PXDNL: variants seen among roughly 807,000 people sequenced by gnomAD.
The protein encoded by PXDNL is probable oxidoreductase PXDNL.
Under a neutral mutation model 150.8 loss-of-function variants are expected in PXDNL, and 145 were observed. The observed-to-expected ratio is 0.96, with a 90% confidence interval of 0.84 to 1.10. PXDNL has a LOEUF of 1.10. PXDNL is among the 50% of genes least tolerant of loss of function. PXDNL has a pLI of 0.00. For synonymous variants in PXDNL, 757 were observed against 725.7 expected, an observed-to-expected ratio of 1.04 and a Z score of -0.69; for missense variants, 2,087 against 1,873.9, an observed-to-expected ratio of 1.11 and a Z score of -2.10.
rs61300692 is a variant in PXDNL, at chr8:51,743,908, AAAGG to A, written c.164+65269_164+65272del. Reference sequence around the variant, plus strand: ...CCTCTCTCTCTCTCTGCTGAGAGAGAAAGGAAGGAAGGAAGGAAGGAAGGAAGGA... The same window carrying A: ...CCTCTCTCTCTCTCTGCTGAGAGAGAAAGGAAGGAAGGAAGGAAGGAAGGA... On this transcript the variant is annotated intron_variant, in intron 1 of 22. Coordinates refer to ENST00000356297, the MANE Select transcript of PXDNL (RefSeq NM_144651.5). 1.0e-3 allele frequency among the ~76,000 whole-genome samples: 68 copies of A among 66,942 alleles called. 2 individuals are homozygous for A. In the South Asian group the frequency reaches 0.014, roughly 14 times the overall value. The allele number at this position is 66,942 out of a possible 152,430, so 43.9% of individuals were successfully genotyped here. A position where few individuals can be genotyped will look rare whatever the true frequency, so the allele number is the denominator to read the frequency against.
At chr8:51,402,904 TACACACACACAC>T (rs55768775) in intron 17 of PXDNL, among the ~76,000 whole-genome samples, 5 of 146,166 alleles carry the variant, frequency 3.4e-5, no homozygotes, top group South Asian at 2.2e-4. Flanking sequence ...CTACTAAAAA[TACACACACACAC>T]ACACACACAC....
intron 5 of PXDNL, among the ~76,000 whole-genome samples, chr8:51,489,242 G>A (rs1466884208): frequency 6.6e-6 from 1 of 152,170 alleles, no homozygotes; most frequent in African/African-American, 2.4e-5. Context: ...GGATGGATTT[G>A]TCTTTACATT....
At chr8:51,333,294 C>T (rs1299283741) in intron 21 of PXDNL, among the ~76,000 whole-genome samples, 1 of 147,738 alleles carries the variant, frequency 6.8e-6, no homozygotes, top group Non-Finnish European at 1.5e-5. Context: ...ATGCTGAATT[C>T]ACCATTACCA....
intron 12 of PXDNL, among the ~76,000 whole-genome samples, chr8:51,440,362 C>T (rs1320828409): frequency 6.6e-6 from 1 of 152,012 alleles, no homozygotes; most frequent in Non-Finnish European, 1.5e-5. Context: ...ACCAAAATCT[C>T]AGAAATCACC....
At chr8:51,359,459 T>C (rs948600446) in intron 19 of PXDNL, among the ~76,000 whole-genome samples, 4 of 151,992 alleles carry the variant, frequency 2.6e-5, no homozygotes, top group Admixed American at 2.6e-4. Flanking sequence ...GCAAAAAATA[T>C]ATCAGAGCAT....
intron 17 of PXDNL, among the ~76,000 whole-genome samples, chr8:51,395,883 C>A (rs568254267): frequency 1.3e-5 from 2 of 152,214 alleles, no homozygotes; most frequent in Non-Finnish European, 2.9e-5. Flanking sequence ...AGCCCACCAC[C>A]CCCAACTCTG....
At chr8:51,519,309 G>A (rs1811608073) in intron 4 of PXDNL, among the ~76,000 whole-genome samples, 1 of 152,080 alleles carries the variant, frequency 6.6e-6, no homozygotes, top group East Asian at 1.9e-4. Context: ...GGGAGGCTGA[G>A]GCAGGCAGAT....
Position 51,468,746 on chromosome 8 carries a change from A to C in PXDNL, c.812+3441T>G, listed in dbSNP as rs926688447. 7.9e-5 allele frequency among the ~76,000 whole-genome samples: 12 copies of C among 151,492 alleles called. 1 individual carries two copies. The highest frequency in any genetic ancestry group is 2.2e-4 in the African/African-American group (9 of 41,268). On this transcript the variant is annotated intron_variant, in intron 8 of 22. Transcript: ENST00000356297. ...GGATCTTTCTATTTGTTAATATTCC[A>C]TCTTAATTGTTAATATGCACTCTTG... is the stretch of plus-strand genomic sequence containing the variant.
Position 51,666,745 on chromosome 8 carries a change from C to T in PXDNL, c.165-11985G>A, listed in dbSNP as rs1425828137. On this transcript the variant is annotated intron_variant, in intron 1 of 22. Transcript: ENST00000356297. ...CAAGTCCTCTGCACCTCCCAAGTCCCATGCCTGCATAATCACTGTCCTGAT... is the reference window on the plus strand; with the variant it reads ...CAAGTCCTCTGCACCTCCCAAGTCCTATGCCTGCATAATCACTGTCCTGAT... Among the ~76,000 whole-genome samples, 5 of 152,172 alleles carry T rather than the reference C, an allele frequency of 3.3e-5. No homozygotes were observed. The East Asian group carries it at 7.7e-4, about 24-fold the overall frequency.
At chr8:51,425,635 C>T (rs1354339816) in intron 13 of PXDNL, among the ~76,000 whole-genome samples, 2 of 151,978 alleles carry the variant, frequency 1.3e-5, no homozygotes, top group African/African-American at 4.8e-5. Flanking sequence ...GGATCGAGAC[C>T]ACAGTGAAAC....
intron 2 of PXDNL, among the ~76,000 whole-genome samples, chr8:51,651,074 T>G (rs527438798): frequency 2.0e-4 from 30 of 152,302 alleles, no homozygotes; most frequent in African/African-American, 7.2e-4. Context: ...CAAAAATCAA[T>G]TGCATTTTAT....
chr8:51,674,787 G>A (rs115992138), intron 1 of PXDNL, among the ~76,000 whole-genome samples: 18 of 152,284 alleles, frequency 1.2e-4, no homozygotes, highest in South Asian at 2.1e-4. Flanking sequence ...CTGGCATGCC[G>A]CTCCTATTTT....
intron 4 of PXDNL, among the ~76,000 whole-genome samples, chr8:51,509,557 C>T (rs191290226): frequency 9.2e-5 from 14 of 152,078 alleles, no homozygotes; most frequent in South Asian, 2.1e-4. Context: ...TTTCTGCCTG[C>T]GCTGTGCCTC....
chr8:51,804,711 T>G (rs913783432), intron 1 of PXDNL, among the ~76,000 whole-genome samples: 2 of 152,138 alleles, frequency 1.3e-5, no homozygotes, highest in Non-Finnish European at 2.9e-5. Flanking sequence ...TACAGTAGGG[T>G]TGAAAGGCAG....
At chr8:51,803,284 C>G (rs1585762642) in intron 1 of PXDNL, among the ~76,000 whole-genome samples, 1 of 152,196 alleles carries the variant, frequency 6.6e-6, no homozygotes, top group East Asian at 1.9e-4. Flanking sequence ...GAGTATCTCT[C>G]TTTGGAAACT....
chr8:51,562,168 C>A (rs1422295094), intron 3 of PXDNL, among the ~76,000 whole-genome samples: 1 of 151,416 alleles, frequency 6.6e-6, no homozygotes, highest in Non-Finnish European at 1.5e-5. Flanking sequence ...AGAAATAAAT[C>A]AAACTCATCT....
At chr8:51,740,651 T>G (rs184897725) in intron 1 of PXDNL, among the ~76,000 whole-genome samples, 1 of 152,234 alleles carries the variant, frequency 6.6e-6, no homozygotes, top group South Asian at 2.1e-4. Context: ...TCTATTCACG[T>G]CCTTTGCCCA....
At chr8:51,419,975 T>G (rs775613750) in intron 14 of PXDNL, among the ~76,000 whole-genome samples, 1 of 152,224 alleles carries the variant, frequency 6.6e-6, no homozygotes, top group Non-Finnish European at 1.5e-5. Context: ...AAAATGAGCT[T>G]TCTGAAAAAA....
chr8:51,415,250 G>A (rs1808764183), intron 14 of PXDNL, among the ~76,000 whole-genome samples: 1 of 152,166 alleles, frequency 6.6e-6, no homozygotes, highest in Admixed American at 6.5e-5. Flanking sequence ...GGAAGTATGG[G>A]TGTATTAGTC....
Sources: allele counts gnomAD v4.1 joint callset (sites outside exome capture counted in the v4.1 genomes callset), GRCh38; gene constraint gnomAD v4.1.1; transcripts MANE v1.5; gene names NCBI Gene and HGNC (gene_info 2026-07-23, HGNC 2026-07-21).